The following HOXD3 variants were observed in gnomAD, a reference collection of about 807,000 sequenced individuals.
HOXD3 encodes homeobox D3.
A neutral mutation model predicts 32.8 loss-of-function variants in HOXD3; 13 were observed. The observed-to-expected ratio is 0.40, with a 90% CI of 0.26 to 0.63. The LOEUF (loss-of-function observed/expected upper bound fraction) is 0.63. Ranked by LOEUF, HOXD3 falls within the 20% of genes least tolerant of loss-of-function variation. HOXD3 has a pLI of 0.44. For synonymous variants in HOXD3, 241 were observed against 246.8 expected, an observed-to-expected ratio of 0.98 and a Z score of 0.22; for missense variants, 504 against 577.1, an observed-to-expected ratio of 0.87 and a Z score of 1.30.
chr2:176,153,124 A>AGGGGT, upstream of HOXD3: 1 of 354,790 alleles, frequency 2.8e-6, no homozygotes, highest in Non-Finnish European at 5.5e-6. Context: ...CTAGAGCGGG[A>AGGGGT]TGGGGATGGG....
chr2:176,154,837 C>T (rs1256149395), upstream of HOXD3, among the ~76,000 whole-genome samples: 1 of 152,160 alleles, frequency 6.6e-6, no homozygotes, highest in Non-Finnish European at 1.5e-5. Flanking sequence ...GATGGATATT[C>T]GTGCATTATT....
At chr2:176,152,716 G>A (rs768625570), upstream of HOXD3, 20 of 1,614,218 alleles carry the variant, frequency 1.2e-5, no homozygotes, top group East Asian at 2.7e-4. The surrounding 1 kb of genome is among the most constrained non-coding windows in gnomAD (Gnocchi z 5.2). Context: ...TATCTGACAA[G>A]GCGCCGTCGG....
chr2:176,152,718 C>A, upstream of HOXD3: 1 of 1,614,176 alleles, frequency 6.2e-7, no homozygotes, highest in Non-Finnish European at 8.5e-7. The surrounding 1 kb of genome is among the most constrained non-coding windows in gnomAD (Gnocchi z 5.2). Context: ...TCTGACAAGG[C>A]GCCGTCGGAT....
At chr2:176,152,711 G>A (rs758215164), upstream of HOXD3, 1 of 1,614,198 alleles carries the variant, frequency 6.2e-7, no homozygotes. The surrounding 1 kb of genome is among the most constrained non-coding windows in gnomAD (Gnocchi z 5.2). Context: ...ACAGGTATCT[G>A]ACAAGGCGCC....
chr2:176,171,995 G>A lies in HOXD3; in HGVS notation c.1020G>A (p.Ala340=), dbSNP rs1691207439. Reference sequence around the variant, plus strand: ...CGGAGTTCGAGCCCCATCCCATGGCGAGCAACGGCGGCGGCTTCGCCAGCG... The same window carrying A: ...CGGAGTTCGAGCCCCATCCCATGGCAAGCAACGGCGGCGGCTTCGCCAGCG... ...AAPEFEPHPM[A]SNGGGFASAN... is the part of the protein sequence containing the mutation. The change falls in exon 4 of 4, where the codon GCG becomes GCA. Residue 340 remains alanine (A), a synonymous_variant. Coordinates refer to ENST00000683222, the MANE Select transcript of HOXD3 (RefSeq NM_006898.5). 2 of 1,610,018 alleles carry A rather than the reference G, an allele frequency of 1.2e-6. No individual in the cohort carries two copies. The highest frequency in any genetic ancestry group is 1.1e-5 in the South Asian group (1 of 90,990).
At chr2:176,167,846 T>G (rs1574985083) in intron 2 of HOXD3, among the ~76,000 whole-genome samples, 2 of 152,256 alleles carry the variant, frequency 1.3e-5, no homozygotes, top group South Asian at 4.2e-4. Flanking sequence ...ACTAACTACA[T>G]GCAGGGCACT....
chr2:176,168,193 G>A (rs1574985318), intron 2 of HOXD3, among the ~76,000 whole-genome samples: 2 of 147,752 alleles, frequency 1.4e-5, no homozygotes, highest in East Asian at 4.0e-4. Flanking sequence ...GGGAGGCCAA[G>A]ACGGGAGGAT....
At chr2:176,161,297 C>T (rs1574979491) in intron 1 of HOXD3, among the ~76,000 whole-genome samples, 1 of 152,088 alleles carries the variant, frequency 6.6e-6, no homozygotes, top group African/African-American at 2.4e-5. Context: ...CCCCGCCTAC[C>T]AAAGGGTTAG....
rs529168311 is a variant in HOXD3 at position 176,159,859 on chromosome 2, C to G, written c.-181+2407C>G. 9.5e-4 allele frequency among the ~76,000 whole-genome samples: 144 copies of G among 152,308 alleles called. 2 individuals carry two copies. The highest frequency in any genetic ancestry group is 1.1e-3 in the Admixed American group (17 of 15,304). On this transcript the variant is annotated intron_variant, in intron 1 of 3. Transcript: ENST00000683222. ...TGCTGGGCCTGTGGGATCTGCGGGTCCTGCCCAGACCTGGAGTCGCACAGA... is the reference window on the plus strand; with the variant it reads ...TGCTGGGCCTGTGGGATCTGCGGGTGCTGCCCAGACCTGGAGTCGCACAGA...
intron 1 of HOXD3, among the ~76,000 whole-genome samples, chr2:176,163,124 G>C (rs903823497): frequency 2.6e-5 from 4 of 152,154 alleles, no homozygotes; most frequent in Admixed American, 2.6e-4. Context: ...GGATCTCTTC[G>C]AGGCGCTTCT....
At chr2:176,152,849 A>T, upstream of HOXD3, 3 of 1,613,988 alleles carry the variant, frequency 1.9e-6, no homozygotes, top group Non-Finnish European at 2.5e-6. The surrounding 1 kb of genome is among the most constrained non-coding windows in gnomAD (Gnocchi z 5.2). Flanking sequence ...CATCGTCCTC[A>T]TCTTCCTCCT....
chr2:176,169,175 G>C lies in HOXD3; in HGVS notation c.61G>C (p.Ala21Pro). 6 of 1,614,134 alleles carry C rather than the reference G, an allele frequency of 3.7e-6. No homozygotes were observed. Among genetic ancestry groups the C allele is most frequent in the Non-Finnish European group, 5.1e-6 (6 of 1,180,016 alleles). ...TCCTGAGTGCACAATGCAGAAGGCT[G>C]CTTACTATGAAAACCCAGGACTGTT... ...ELPECTMQKA[A>P]YYENPGLFGG... The change falls in exon 3 of 4, where the codon GCT becomes CCT. Residue 21 changes from alanine (A) to proline (P), a missense_variant. Ala to Pro is a conservative substitution (Grantham distance 27). This residue lies in a region of HOXD3 where 181 missense variants were observed against 172.2 expected (regional missense o/e 1.05). Transcript: ENST00000683222.
In HOXD3 at chr2:176,169,481, C is replaced by T. The variant is rs1691103882; in HGVS notation, c.367C>T (p.Pro123Ser). The change falls in exon 3 of 4, where the codon CCA becomes TCA. Residue 123 changes from proline (P) to serine (S), a missense_variant. By Grantham distance (74) the Pro-to-Ser change is moderately conservative (BLOSUM62 -1). Coordinates refer to ENST00000683222, the MANE Select transcript of HOXD3 (RefSeq NM_006898.5). ...EQQPPQPPPP[P>S]PTLPPSSPTN... ...GCAGCCACCACAACCCCCTCCTCCA[C>T]CACCGACCCTGCCCCCATCTTCACC... 6.2e-7 allele frequency: 1 copy of T among 1,613,620 alleles called. No homozygotes were observed. The highest frequency in any genetic ancestry group is 8.5e-7 in the Non-Finnish European group (1 of 1,179,800).
Position 176,171,581 on chromosome 2 carries a change from G to A in HOXD3, c.606G>A (p.Thr202=), listed in dbSNP as rs759831709. The A allele has an allele frequency of 2.5e-6, 4 of 1,613,332 alleles. No individual in the cohort carries two copies. Among genetic ancestry groups the A allele is most frequent in the East Asian group, 2.2e-5 (1 of 44,868 alleles). The part of the protein sequence containing the change: ...PASKRVRTAY[T]SAQLVELEKE... ...CCAAGCGGGTACGCACGGCATACAC[G>A]AGCGCGCAGCTGGTGGAATTGGAAA... The change falls in exon 4 of 4, where the codon ACG becomes ACA. Residue 202 remains threonine (T), a synonymous_variant. Transcript: ENST00000683222.
chr2:176,154,694 C>T (rs191878099), upstream of HOXD3, among the ~76,000 whole-genome samples: 84 of 152,348 alleles, frequency 5.5e-4, no homozygotes, highest in African/African-American at 2.0e-3. Flanking sequence ...AATTCCGCTT[C>T]TCTGAAGTGT....
Position 176,171,817 on chromosome 2 carries a change from C to G in HOXD3, c.842C>G (p.Ala281Gly). 6.2e-7 allele frequency: 1 copy of G among 1,609,584 alleles called. No homozygotes were observed. The highest frequency in any genetic ancestry group is 8.5e-7 in the Non-Finnish European group (1 of 1,177,886). Reference protein sequence around the residue: ...PPLGGAAGHVAYSGQLPPVPG... With the variant: ...PPLGGAAGHVGYSGQLPPVPG... ...CTCGGCGGCGCCGCTGGCCACGTGGCCTACTCCGGCCAGCTGCCGCCAGTG... is the reference window on the plus strand; with the variant it reads ...CTCGGCGGCGCCGCTGGCCACGTGGGCTACTCCGGCCAGCTGCCGCCAGTG... The change falls in exon 4 of 4, where the codon GCC becomes GGC. Residue 281 changes from alanine (A) to glycine (G), a missense_variant. Transcript: ENST00000683222.
chr2:176,163,152 G>C (rs1284991587), intron 1 of HOXD3, among the ~76,000 whole-genome samples: 1 of 152,192 alleles, frequency 6.6e-6, no homozygotes, highest in Admixed American at 6.5e-5. Flanking sequence ...GTTCATTAAG[G>C]GGTGAGTTAT....
rs916327944 is a variant in HOXD3, at chr2:176,172,535, G to C, written c.*261G>C. On this transcript the variant is annotated 3_prime_UTR_variant, in exon 4 of 4. Transcript: ENST00000683222. Reference sequence around the variant, plus strand: ...ACAGTGCCACATACTGCGGACCAAGGGACTCCAATCTGGTAATGGTGTCCC... The same window carrying C: ...ACAGTGCCACATACTGCGGACCAAGCGACTCCAATCTGGTAATGGTGTCCC... 2.0e-6 allele frequency: 1 copy of C among 505,182 alleles called. No individual in the cohort carries two copies. Among genetic ancestry groups the C allele is most frequent in the Non-Finnish European group, 3.5e-6 (1 of 287,178 alleles). 31.3% of individuals were successfully genotyped at this position (505,182 alleles called of 1,614,324 possible).
chr2:176,159,010 G>GT (rs1690716763), intron 1 of HOXD3, among the ~76,000 whole-genome samples: 1 of 152,178 alleles, frequency 6.6e-6, no homozygotes. Flanking sequence ...ATAAATCATC[G>GT]TAAGTAATTC....
Sources: gnomAD v4.1 joint callset for allele counts (sites outside exome capture counted in the v4.1 genomes callset) on GRCh38, gnomAD v4.1.1 for gene constraint, gnomAD v4.1.1 regional missense constraint, Gnocchi (gnomAD v3.1) non-coding constraint, MANE v1.5 for transcripts, NCBI Gene and HGNC (gene_info 2026-07-23, HGNC 2026-07-21) for gene names.